The following TENM4 variants were observed in gnomAD, a reference collection of about 807,000 sequenced individuals.
The protein encoded by TENM4 is teneurin transmembrane protein 4, also known as teneurin-4.
Under a neutral mutation model 243.3 loss-of-function variants are expected in TENM4, and 82 were observed. That is an observed-to-expected ratio of 0.34 (90% CI 0.28 to 0.40). TENM4 has a LOEUF of 0.40. Among genes scored for constraint, TENM4 ranks in the 10% least tolerant of loss-of-function variants. TENM4 has a pLI of 1.00. For missense variants in TENM4, 3,138 were observed against 3,673.3 expected, an observed-to-expected ratio of 0.85 and a Z score of 3.77; for synonymous variants, 1,412 against 1,456.3, an observed-to-expected ratio of 0.97 and a Z score of 0.69.
At chr11:79,057,521 C>T (rs578213237) in intron 6 of TENM4, among the ~76,000 whole-genome samples, 6 of 152,210 alleles carry the variant, frequency 3.9e-5, no homozygotes, top group Non-Finnish European at 8.8e-5. Flanking sequence ...CCCCATGACA[C>T]TGCCCAGACT....
At chr11:78,798,693 G>C (rs1857217496) in intron 15 of TENM4, among the ~76,000 whole-genome samples, 1 of 152,078 alleles carries the variant, frequency 6.6e-6, no homozygotes, top group Non-Finnish European at 1.5e-5. Flanking sequence ...CGACTGTCCA[G>C]CTGATCATGC....
chr11:78,981,763 G>C (rs11237673), intron 6 of TENM4, among the ~76,000 whole-genome samples: 4,166 of 152,192 alleles, frequency 0.027, 163 homozygotes, highest in African/African-American at 0.084. Flanking sequence ...TTGCGGTTTT[G>C]CATAAGGCAT....
intron 6 of TENM4, among the ~76,000 whole-genome samples, chr11:78,961,526 A>T (rs1857320492): frequency 1.3e-5 from 2 of 152,248 alleles, no homozygotes; most frequent in Non-Finnish European, 1.5e-5. Context: ...ATCCATGCTT[A>T]AACCCAGTGG....
chr11:79,167,385 G>A (rs1350427379), intron 3 of TENM4, among the ~76,000 whole-genome samples: 2 of 152,148 alleles, frequency 1.3e-5, no homozygotes. Context: ...CATATATTGA[G>A]CAACTAACTC....
intron 1 of TENM4, among the ~76,000 whole-genome samples, chr11:79,324,759 G>T (rs763356395): frequency 6.6e-5 from 10 of 152,136 alleles, no homozygotes; most frequent in Non-Finnish European, 1.2e-4. Context: ...AAGAACTCTT[G>T]ATTATTCTGG....
At chr11:78,752,921 A>T (rs544040503) in intron 19 of TENM4, among the ~76,000 whole-genome samples, 1 of 152,334 alleles carries the variant, frequency 6.6e-6, no homozygotes, top group African/African-American at 2.4e-5. Flanking sequence ...CATCACCGCC[A>T]TGTAATTAGC....
intron 2 of TENM4, among the ~76,000 whole-genome samples, chr11:79,294,164 C>T (rs1294923339): frequency 6.6e-6 from 1 of 152,170 alleles, no homozygotes; most frequent in Non-Finnish European, 1.5e-5. Flanking sequence ...AAAAATAAGG[C>T]ATTATCATTA....
rs766145028 is a variant in TENM4 at position 78,669,793 on chromosome 11, T to C, written c.6552A>G (p.Gly2184=). The C allele has an allele frequency of 1.2e-6, 2 of 1,613,850 alleles. No individual in the cohort carries two copies. Among genetic ancestry groups the C allele is most frequent in the Admixed American group, 3.3e-5 (2 of 60,014 alleles). Residue 2184 remains glycine (G), a synonymous_variant, in exon 32 of 34, where the codon GGA becomes GGG. Transcript: ENST00000278550. This position sits in a 1 kb window ranked among gnomAD's most constrained non-coding sequence, Gnocchi z 6.4. Reference sequence around the variant, plus strand: ...AGTAGCGAGTGGTATTGGCGTAGGGTCCTACCTTCAGCTCCTTCTTCACTA... The same window carrying C: ...AGTAGCGAGTGGTATTGGCGTAGGGCCCTACCTTCAGCTCCTTCTTCACTA... The part of the protein sequence containing the change: ...GRVVKKELKV[G]PYANTTRYSY...
chr11:79,407,115 C>G (rs987482839), intron 1 of TENM4, among the ~76,000 whole-genome samples: 2 of 152,056 alleles, frequency 1.3e-5, no homozygotes, highest in African/African-American at 2.4e-5. Flanking sequence ...CATTGCTCCA[C>G]GAATATGTAT....
At chr11:78,747,104 G>A (rs1856067249) in intron 19 of TENM4, among the ~76,000 whole-genome samples, 1 of 152,228 alleles carries the variant, frequency 6.6e-6, no homozygotes, top group South Asian at 2.1e-4. Flanking sequence ...GCAATACACA[G>A]CTGGCCTGTA....
chr11:78,855,360 T>C (rs1186586415), intron 11 of TENM4, among the ~76,000 whole-genome samples: 1 of 152,170 alleles, frequency 6.6e-6, no homozygotes, highest in Non-Finnish European at 1.5e-5. Flanking sequence ...TTAATCATGA[T>C]TGGTAATATG....
chr11:79,374,851 C>A (rs528242246), intron 1 of TENM4, among the ~76,000 whole-genome samples: 2 of 152,146 alleles, frequency 1.3e-5, no homozygotes, highest in African/African-American at 4.8e-5. Context: ...CAGGCGAATG[C>A]GGTTGCAAGC....
chr11:79,177,224 A>T (rs1591334759), intron 3 of TENM4, among the ~76,000 whole-genome samples: 1 of 152,002 alleles, frequency 6.6e-6, no homozygotes. Context: ...AACTGTTCTC[A>T]TTAAAGCAGG....
chr11:78,782,295 C>T (rs1462928737), intron 16 of TENM4, among the ~76,000 whole-genome samples: 1 of 151,860 alleles, frequency 6.6e-6, no homozygotes, highest in Non-Finnish European at 1.5e-5. Flanking sequence ...AACCCCGTCA[C>T]TACTAAAAAT....
chr11:79,439,224 G>A (rs1361614055), intron 1 of TENM4: 2 of 150,516 alleles, frequency 1.3e-5, no homozygotes. Flanking sequence ...CACCAAGCCA[G>A]TATGCAGGTT....
intron 1 of TENM4, among the ~76,000 whole-genome samples, chr11:79,308,620 C>T (rs1389333189): frequency 6.6e-6 from 1 of 152,196 alleles, no homozygotes; most frequent in African/African-American, 2.4e-5. Flanking sequence ...CTCTAATTGA[C>T]AGCAGTGACC....
intron 2 of TENM4, among the ~76,000 whole-genome samples, chr11:79,288,905 G>C (rs374981114): frequency 1.4e-3 from 208 of 152,114 alleles, no homozygotes; most frequent in Middle Eastern, 6.8e-3. Flanking sequence ...AAAAAAAAAT[G>C]AACCATAGGG....
At chr11:79,402,312 GA>G (rs937631693) in intron 1 of TENM4, among the ~76,000 whole-genome samples, 20 of 152,112 alleles carry the variant, frequency 1.3e-4, no homozygotes, top group African/African-American at 4.6e-4. Context: ...TCAAAACACT[GA>G]ATATCAGTGA....
intron 3 of TENM4, among the ~76,000 whole-genome samples, chr11:79,205,536 G>C (rs1420953183): frequency 1.3e-5 from 2 of 152,132 alleles, no homozygotes; most frequent in African/African-American, 4.8e-5. Context: ...CTAAAATTTT[G>C]TCATTTCAAA....
Sources: allele counts gnomAD v4.1 joint callset (sites outside exome capture counted in the v4.1 genomes callset), GRCh38; gene constraint gnomAD v4.1.1; non-coding constraint Gnocchi (gnomAD v3.1); transcripts MANE v1.5; gene names NCBI Gene and HGNC (gene_info 2026-07-23, HGNC 2026-07-21).